Variants in TRIR observed in about 807,000 individuals in gnomAD.
TRIR encodes the protein telomerase RNA component-interacting RNase.
Under a neutral mutation model 18.2 loss-of-function variants are expected in TRIR, and 5 were observed. The ratio of observed to expected loss-of-function variants is 0.27; its 90% confidence interval spans 0.14 to 0.58. The LOEUF (loss-of-function observed/expected upper bound fraction) is 0.58, where lower values mean the gene tolerates loss of function less well. TRIR is among the 20% of genes least tolerant of loss of function. The probability of loss-of-function intolerance (pLI) is 0.91; values close to 1 mark genes in which losing one functional copy is unlikely to be tolerated. For missense variants in TRIR, 206 were observed against 252.8 expected (o/e 0.81, Z 1.25); for synonymous variants, 134 against 114.4 (o/e 1.17, Z -1.10).
intron 1 of TRIR, among the ~76,000 whole-genome samples, chr19:12,733,260 T>C (rs910283255): frequency 1.3e-5 from 2 of 152,138 alleles, no homozygotes; most frequent in African/African-American, 4.8e-5. Context: ...GGTTAGATCA[T>C]TTGCCCAAAA....
chr19:12,733,697 C>G (rs1967476162), intron 1 of TRIR, among the ~76,000 whole-genome samples: 1 of 152,092 alleles, frequency 6.6e-6, no homozygotes, highest in African/African-American at 2.4e-5. Context: ...TCATAAAACC[C>G]TCACCACATC....
chr19:12,731,988 G>A lies in TRIR; in HGVS notation c.346-567C>T, dbSNP rs994806545. 3 of 152,838 alleles carry A rather than the reference G, an allele frequency of 2.0e-5. No individual in the cohort carries two copies. The highest frequency in any genetic ancestry group is 7.3e-5 in the African/African-American group (3 of 41,370). 9.5% of individuals were successfully genotyped at this position (152,838 alleles called of 1,614,324 possible). ...AAATACAAAAACTTAGCCGGGAGTG[G>A]TGGTAGGCGCCTGTAATCCCAGCTA... On this transcript the variant is annotated intron_variant, in intron 1 of 2. Transcript: ENST00000242784. The surrounding 1 kb of genome is among the most constrained non-coding windows in gnomAD (Gnocchi z 5.1).
Position 12,731,175 on chromosome 19 carries a change from G to C in TRIR, c.424-107C>G. On this transcript the variant is annotated intron_variant, in intron 2 of 2. Coordinates refer to ENST00000242784, the MANE Select transcript of TRIR (RefSeq NM_024038.4). The surrounding 1 kb of genome is among the most constrained non-coding windows in gnomAD (Gnocchi z 5.1). ...GTGTCACCCAGAAGACTCTGGGTTT[G>C]AGCTGAAGATTATAAAGTCAAGTTA... 7.8e-7 allele frequency: 1 copy of C among 1,277,734 alleles called. No individual in the cohort carries two copies. The highest frequency in any genetic ancestry group is 1.1e-6 in the Non-Finnish European group (1 of 878,680). 79.1% of individuals were successfully genotyped at this position (1,277,734 alleles called of 1,614,324 possible). A position where few individuals can be genotyped will look rare whatever the true frequency, so the allele number is the denominator to read the frequency against.
In TRIR at chr19:12,734,357, C is replaced by G; in HGVS notation, c.301G>C (p.Gly101Arg). The change falls in exon 1 of 3, where the codon GGG (glycine) becomes CGG (arginine). Residue 101 changes from glycine to arginine, a missense_variant. Physicochemically the swap from Gly to Arg is moderately radical, Grantham distance 125. This residue lies in a region of TRIR where 172 missense variants were observed against 165.0 expected (regional missense o/e 1.04). Coordinates refer to ENST00000242784, the MANE Select transcript of TRIR (RefSeq NM_024038.4). The surrounding 1 kb of genome is among the most constrained non-coding windows in gnomAD (Gnocchi z 4.1). The stretch of plus-strand genomic sequence containing the variant: ...GGACCGCCCTTCCTCTTCGGATCCC[C>G]GGGGCCAGCGGCGGCGGCCGACTGG... Reference protein sequence around the residue: ...PDQSAAAAGPGDPKRKGGPGS... With the variant: ...PDQSAAAAGPRDPKRKGGPGS... The G allele has an allele frequency of 2.0e-6, 3 of 1,468,586 alleles. No individual in the cohort carries two copies. The highest frequency in any genetic ancestry group is 1.8e-6 in the Non-Finnish European group (2 of 1,110,214). 91.0% of individuals were successfully genotyped at this position (1,468,586 alleles called of 1,614,324 possible). A position where few individuals can be genotyped will look rare whatever the true frequency, so the allele number is the denominator to read the frequency against.
Position 12,734,239 on chromosome 19 carries a change from TC to T in TRIR, c.345+73del. On this transcript the variant is annotated intron_variant, in intron 1 of 2. Transcript: ENST00000242784. The surrounding 1 kb of genome is among the most constrained non-coding windows in gnomAD (Gnocchi z 4.1). ...AACGGAAAGTGGACTTCGGTCCCGA[TC>T]CCCCTTCACGGGCCCCGACTCCCGC... 1.5e-6 allele frequency: 2 copies of T among 1,314,650 alleles called. No homozygotes were observed. The highest frequency in any genetic ancestry group is 2.0e-6 in the Non-Finnish European group (2 of 1,015,126). The allele number at this position is 1,314,650 out of a possible 1,614,324, so 81.4% of individuals were successfully genotyped here. A position where few individuals can be genotyped will look rare whatever the true frequency, so the allele number is the denominator to read the frequency against.
rs1403599992 is a variant in TRIR, at chr19:12,731,605, G to A, written c.346-184C>T. On this transcript the variant is annotated intron_variant, in intron 1 of 2. Coordinates refer to ENST00000242784, the MANE Select transcript of TRIR (RefSeq NM_024038.4). The surrounding 1 kb of genome is among the most constrained non-coding windows in gnomAD (Gnocchi z 5.1). ...CACACGCGACTCAGCGCCTGCCCTG[G>A]GCCCGCGGTGCCCTCCCAGGGAGCA... The A allele has an allele frequency of 1.6e-6, 1 of 621,502 alleles. No homozygotes were observed. Among genetic ancestry groups the A allele is most frequent in the East Asian group, 2.8e-5 (1 of 35,404 alleles). 38.5% of individuals were successfully genotyped at this position (621,502 alleles called of 1,614,324 possible).
intron 1 of TRIR, among the ~76,000 whole-genome samples, chr19:12,733,640 C>T (rs755150983): frequency 2.6e-5 from 4 of 152,106 alleles, no homozygotes; most frequent in Non-Finnish European, 5.9e-5. Context: ...CCAGTTTAGC[C>T]CTTCCTGGAA....
chr19:12,734,527 ACCT>A lies in TRIR; in HGVS notation c.128_130del (p.Glu43del). 2 of 1,532,812 alleles carry A rather than the reference ACCT, an allele frequency of 1.3e-6. No individual in the cohort carries two copies. Among genetic ancestry groups the A allele is most frequent in the African/African-American group, 1.4e-5 (1 of 70,624 alleles). The allele number at this position is 1,532,812 out of a possible 1,614,324, so 95.0% of individuals were successfully genotyped here. On this transcript the variant is annotated inframe_deletion, in exon 1 of 3. Coordinates refer to ENST00000242784, the MANE Select transcript of TRIR (RefSeq NM_024038.4). This position sits in a 1 kb window ranked among gnomAD's most constrained non-coding sequence, Gnocchi z 4.1. ...CACCGGGCTCGAACCCGCGCCCGACACCTCCTCGTCCCCGCTCTCGGGCGACGT... is the reference window on the plus strand; with the variant it reads ...CACCGGGCTCGAACCCGCGCCCGACACCTCGTCCCCGCTCTCGGGCGACGT...
Position 12,734,638 on chromosome 19 carries a change from C to A in TRIR, c.20G>T (p.Arg7Leu), listed in dbSNP as rs1431648763. 6.6e-7 allele frequency: 1 copy of A among 1,510,658 alleles called. No individual in the cohort carries two copies. Among genetic ancestry groups the A allele is most frequent in the Admixed American group, 2.1e-5 (1 of 48,110 alleles). The allele number at this position is 1,510,658 out of a possible 1,614,324, so 93.6% of individuals were successfully genotyped here. The change falls in exon 1 of 3, where the codon CGG becomes CTG. Residue 7 changes from arginine to leucine, a missense_variant. By Grantham distance (102) the Arg-to-Leu change is moderately radical. Transcript: ENST00000242784. The surrounding 1 kb of genome is among the most constrained non-coding windows in gnomAD (Gnocchi z 4.1). MAARGR[R>L]AEPQGREAPG... Reference sequence around the variant, plus strand: ...AGCCTCCCGGCCCTGAGGCTCCGCCCGTCTCCCTCGGGCAGCCATTTTGTC... The same window carrying A: ...AGCCTCCCGGCCCTGAGGCTCCGCCAGTCTCCCTCGGGCAGCCATTTTGTC...
At position 12,731,483 on chromosome 19, in the gene TRIR, G is replaced by A; in HGVS notation, c.346-62C>T. 1 of 1,534,458 alleles carries A rather than the reference G, an allele frequency of 6.5e-7. No individual in the cohort carries two copies. Among genetic ancestry groups the A allele is most frequent in the Non-Finnish European group, 8.9e-7 (1 of 1,128,098 alleles). On this transcript the variant is annotated intron_variant, in intron 1 of 2. Transcript: ENST00000242784. This position sits in a 1 kb window ranked among gnomAD's most constrained non-coding sequence, Gnocchi z 5.1. The stretch of plus-strand genomic sequence containing the variant: ...AGCCGGGACCGCCCTTGGCGGCGCT[G>A]AGGCCCACTACACCTTCCTAGCCCG...
In TRIR at chr19:12,731,747, T is replaced by C. The variant is rs1212891499; in HGVS notation, c.346-326A>G. ...ACAGCTCCCTTTATTGAGCATGTAC[T>C]GTATGCCAAGCCCTGTGCCAAGTGC... is the stretch of plus-strand genomic sequence containing the variant. On this transcript the variant is annotated intron_variant, in intron 1 of 2. Coordinates refer to ENST00000242784, the MANE Select transcript of TRIR (RefSeq NM_024038.4). The surrounding 1 kb of genome is among the most constrained non-coding windows in gnomAD (Gnocchi z 5.1). 6.1e-6 allele frequency: 2 copies of C among 329,400 alleles called. No homozygotes were observed. The highest frequency in any genetic ancestry group is 1.1e-5 in the Non-Finnish European group (2 of 177,946). 20.4% of individuals were successfully genotyped at this position (329,400 alleles called of 1,614,324 possible). A position where few individuals can be genotyped will look rare whatever the true frequency, so the allele number is the denominator to read the frequency against.
chr19:12,734,683 A>T lies in TRIR; in HGVS notation c.-26T>A. 1.4e-5 allele frequency: 20 copies of T among 1,470,486 alleles called. No homozygotes were observed. Among genetic ancestry groups the T allele is most frequent in the Non-Finnish European group, 1.6e-5 (18 of 1,120,502 alleles). 91.1% of individuals were successfully genotyped at this position (1,470,486 alleles called of 1,614,324 possible). ...TTTGTCGCCAGGTGCCGCGCAAAGG[A>T]CTCCGGGAAGGCCGCTCCGGCCCCG... On this transcript the variant is annotated 5_prime_UTR_variant, in exon 1 of 3. Coordinates refer to ENST00000242784, the MANE Select transcript of TRIR (RefSeq NM_024038.4). This position sits in a 1 kb window ranked among gnomAD's most constrained non-coding sequence, Gnocchi z 4.1.
chr19:12,730,947 G>C lies in TRIR; in HGVS notation c.*14C>G, dbSNP rs1365201816. 2 of 1,608,160 alleles carry C rather than the reference G, an allele frequency of 1.2e-6. No individual in the cohort carries two copies. Among genetic ancestry groups the C allele is most frequent in the Non-Finnish European group, 1.7e-6 (2 of 1,174,792 alleles). ...GCAGAGAGTCCCAGGCCATGGGCAG[G>C]TGGGGGAGGGGCGTCATTTCACCAG... On this transcript the variant is annotated 3_prime_UTR_variant, in exon 3 of 3. Coordinates refer to ENST00000242784, the MANE Select transcript of TRIR (RefSeq NM_024038.4).
chr19:12,731,610 G>A lies in TRIR; in HGVS notation c.346-189C>T, dbSNP rs572237365. 9.8e-6 allele frequency: 6 copies of A among 610,552 alleles called. No individual in the cohort carries two copies. The highest frequency in any genetic ancestry group is 2.8e-5 in the East Asian group (1 of 35,278). 37.8% of individuals were successfully genotyped at this position (610,552 alleles called of 1,614,324 possible). A position where few individuals can be genotyped will look rare whatever the true frequency, so the allele number is the denominator to read the frequency against. On this transcript the variant is annotated intron_variant, in intron 1 of 2. Transcript: ENST00000242784. The surrounding 1 kb of genome is among the most constrained non-coding windows in gnomAD (Gnocchi z 5.1). ...GCGACTCAGCGCCTGCCCTGGGCCC[G>A]CGGTGCCCTCCCAGGGAGCAAGAAG... is the stretch of plus-strand genomic sequence containing the variant.
At position 12,734,337 on chromosome 19, in the gene TRIR, G is replaced by C; in HGVS notation, c.321C>G (p.Gly107=). The change falls in exon 1 of 3, where the codon GGC becomes GGG. Residue 107 remains glycine, a synonymous_variant. Transcript: ENST00000242784. This position sits in a 1 kb window ranked among gnomAD's most constrained non-coding sequence, Gnocchi z 4.1. ...AAGPGDPKRK[G]GPGSTLSFVG... Reference sequence around the variant, plus strand: ...CGAAGCTAAGTGTGGAGCCCGGACCGCCCTTCCTCTTCGGATCCCCGGGGC... The same window carrying C: ...CGAAGCTAAGTGTGGAGCCCGGACCCCCCTTCCTCTTCGGATCCCCGGGGC... 6.9e-7 allele frequency: 1 copy of C among 1,442,278 alleles called. No homozygotes were observed. Among genetic ancestry groups the C allele is most frequent in the Non-Finnish European group, 9.1e-7 (1 of 1,096,736 alleles). The allele number at this position is 1,442,278 out of a possible 1,614,324, so 89.3% of individuals were successfully genotyped here. A position where few individuals can be genotyped will look rare whatever the true frequency, so the allele number is the denominator to read the frequency against.
At chr19:12,733,685 C>T (rs1022689405) in intron 1 of TRIR, among the ~76,000 whole-genome samples, 10 of 152,150 alleles carry the variant, frequency 6.6e-5, no homozygotes, top group African/African-American at 2.2e-4. Context: ...TCCAGGATCA[C>T]CTCATAAAAC....
At chr19:12,732,057 G>A (rs1002549869) in intron 1 of TRIR, among the ~76,000 whole-genome samples, 2 of 148,430 alleles carry the variant, frequency 1.3e-5, no homozygotes, top group Non-Finnish European at 3.0e-5. Flanking sequence ...CTGGGAGGAG[G>A]AGGTTGCAGT....
In TRIR at chr19:12,731,257, G is replaced by T; in HGVS notation, c.423+87C>A. 4 of 1,511,428 alleles carry T rather than the reference G, an allele frequency of 2.6e-6. No individual in the cohort carries two copies. In the Admixed American group the frequency reaches 6.7e-5, roughly 25 times the overall value. The allele number at this position is 1,511,428 out of a possible 1,614,324, so 93.6% of individuals were successfully genotyped here. ...GCCAGGCACACTCATAAAAGGCCTG[G>T]ATACCAGACAGGGAGGGAGAAGGCT... On this transcript the variant is annotated intron_variant, in intron 2 of 2. Transcript: ENST00000242784. This position sits in a 1 kb window ranked among gnomAD's most constrained non-coding sequence, Gnocchi z 5.1.
Position 12,731,616 on chromosome 19 carries a change from C to T in TRIR, c.346-195G>A, listed in dbSNP as rs1051187628. On this transcript the variant is annotated intron_variant, in intron 1 of 2. Transcript: ENST00000242784. This position sits in a 1 kb window ranked among gnomAD's most constrained non-coding sequence, Gnocchi z 5.1. ...CAGCGCCTGCCCTGGGCCCGCGGTG[C>T]CCTCCCAGGGAGCAAGAAGAGTGTC... is the stretch of plus-strand genomic sequence containing the variant. The T allele has an allele frequency of 1.7e-6, 1 of 601,292 alleles. No individual in the cohort carries two copies. Among genetic ancestry groups the T allele is most frequent in the East Asian group, 2.8e-5 (1 of 35,144 alleles). The allele number at this position is 601,292 out of a possible 1,614,324, so 37.2% of individuals were successfully genotyped here. A position where few individuals can be genotyped will look rare whatever the true frequency, so the allele number is the denominator to read the frequency against.
Sources: gnomAD v4.1 joint callset for allele counts (sites outside exome capture counted in the v4.1 genomes callset) on GRCh38, gnomAD v4.1.1 for gene constraint, gnomAD v4.1.1 regional missense constraint, Gnocchi (gnomAD v3.1) non-coding constraint, MANE v1.5 for transcripts, NCBI Gene and HGNC (gene_info 2026-07-23, HGNC 2026-07-21) for gene names.